IGSF11: variants seen among roughly 807,000 people sequenced by gnomAD.
IGSF11 encodes CXADR like 1.
IGSF11 carries 22 observed loss-of-function variants against 41.0 expected under a neutral mutation model. The ratio of observed to expected loss-of-function variants is 0.54; its 90% CI spans 0.38 to 0.77. The LOEUF (loss-of-function observed/expected upper bound fraction) is 0.77, where lower values mean the gene tolerates loss of function less well. IGSF11 is among the 30% of genes least tolerant of loss of function. The pLI is 0.00. For missense variants in IGSF11, 444 were observed against 530.8 expected, an observed-to-expected ratio of 0.84 and a Z score of 1.61; for synonymous variants, 219 against 201.3, an observed-to-expected ratio of 1.09 and a Z score of -0.74.
chr3:119,048,949 C>G (rs991896158), intron 1 of IGSF11, among the ~76,000 whole-genome samples: 4 of 152,092 alleles, frequency 2.6e-5, no homozygotes, highest in Admixed American at 2.0e-4. Flanking sequence ...ATTCAACAGC[C>G]CTTCATGGTA....
chr3:119,081,921 G>A (rs958376718), intron 1 of IGSF11, among the ~76,000 whole-genome samples: 6 of 151,982 alleles, frequency 3.9e-5, no homozygotes, highest in East Asian at 1.9e-4. Context: ...TGAGAATGAC[G>A]AATAGAGAAA....
chr3:118,975,168 C>A (rs879327577), intron 1 of IGSF11, among the ~76,000 whole-genome samples: 1 of 152,078 alleles, frequency 6.6e-6, no homozygotes, highest in Non-Finnish European at 1.5e-5. Context: ...TCTATCTCCT[C>A]CTATTGAAGA....
At chr3:119,076,225 T>G (rs1334099216) in intron 1 of IGSF11, among the ~76,000 whole-genome samples, 1 of 152,362 alleles carries the variant, frequency 6.6e-6, no homozygotes, top group Non-Finnish European at 1.5e-5. Context: ...AAGCTGAAAC[T>G]GGATCCCTTC....
chr3:119,074,880 A>T (rs375071059), intron 1 of IGSF11, among the ~76,000 whole-genome samples: 36 of 152,220 alleles, frequency 2.4e-4, no homozygotes, highest in African/African-American at 6.5e-4. Context: ...AACAAAAAAA[A>T]AGTTAGAAAG....
chr3:118,953,280 C>T (rs949348138), intron 1 of IGSF11, among the ~76,000 whole-genome samples: 1 of 151,994 alleles, frequency 6.6e-6, no homozygotes, highest in Non-Finnish European at 1.5e-5. Flanking sequence ...ACCACAATTT[C>T]TTTATCCACT....
chr3:118,979,540 T>G (rs1207038623), intron 1 of IGSF11, among the ~76,000 whole-genome samples: 2 of 152,134 alleles, frequency 1.3e-5, no homozygotes, highest in Non-Finnish European at 2.9e-5. Flanking sequence ...CAAGATGGAT[T>G]AAAGATTTAA....
chr3:118,953,429 A>G (rs535427511), intron 1 of IGSF11, among the ~76,000 whole-genome samples: 1 of 152,322 alleles, frequency 6.6e-6, no homozygotes, highest in Admixed American at 6.5e-5. Context: ...GGATTGCTGG[A>G]TCAAATGGTA....
intron 1 of IGSF11, among the ~76,000 whole-genome samples, chr3:119,079,292 G>A (rs1351381727): frequency 1.3e-5 from 2 of 152,036 alleles, no homozygotes; most frequent in African/African-American, 2.4e-5. Context: ...CCCAGGAGAC[G>A]GAGGTTACAG....
intron 1 of IGSF11, among the ~76,000 whole-genome samples, chr3:119,076,209 T>G (rs1037265448): frequency 1.3e-5 from 2 of 152,234 alleles, no homozygotes; most frequent in Non-Finnish European, 2.9e-5. Flanking sequence ...GCTAGCCATA[T>G]GTAGAAAGCT....
Position 119,009,869 on chromosome 3 carries a change from TGACA to T in IGSF11, c.52+24658_52+24661del, listed in dbSNP as rs1351977825. Among the ~76,000 whole-genome samples the T allele has an allele frequency of 8.9e-5, 13 of 145,518 alleles. No individual in the cohort carries two copies. In the Admixed American group the frequency reaches 9.3e-4, roughly 10 times the overall value. On this transcript the variant is annotated intron_variant, in intron 1 of 6. Coordinates refer to ENST00000393775, the MANE Select transcript of IGSF11 (RefSeq NM_001015887.3). The stretch of plus-strand genomic sequence containing the variant: ...ACTATAAGGAACGTAACATCTACCT[TGACA>T]TCTACCTTGACATCTACCTTGAATT...
intron 1 of IGSF11, among the ~76,000 whole-genome samples, chr3:119,001,518 T>C (rs1250206123): frequency 1.4e-4 from 20 of 147,814 alleles, no homozygotes; most frequent in African/African-American, 5.0e-4. Context: ...ATGTGCACAT[T>C]GTGCAGGTTA....
At chr3:119,000,587 T>C (rs1245719599) in intron 1 of IGSF11, among the ~76,000 whole-genome samples, 1 of 151,948 alleles carries the variant, frequency 6.6e-6, no homozygotes, top group Non-Finnish European at 1.5e-5. Flanking sequence ...GGTTCTCCCA[T>C]CCAAATATAT....
chr3:118,989,414 G>A (rs970948223), intron 1 of IGSF11, among the ~76,000 whole-genome samples: 3 of 151,670 alleles, frequency 2.0e-5, no homozygotes, highest in Admixed American at 6.6e-5. Flanking sequence ...GTGCAGTGGC[G>A]CAATCTCAGC....
At chr3:119,021,275 G>A (rs1457515200) in intron 1 of IGSF11, among the ~76,000 whole-genome samples, 2 of 152,070 alleles carry the variant, frequency 1.3e-5, no homozygotes, top group Non-Finnish European at 2.9e-5. Context: ...TTAGTATCAT[G>A]AGATTAAAAA....
At chr3:118,924,518 AC>A (rs1942116812) in intron 4 of IGSF11, among the ~76,000 whole-genome samples, 1 of 152,132 alleles carries the variant, frequency 6.6e-6, no homozygotes, top group African/African-American at 2.4e-5. Flanking sequence ...ATCCAAAGTA[AC>A]TTTGATAATC....
At chr3:119,027,157 T>A (rs1420933577) in intron 1 of IGSF11, among the ~76,000 whole-genome samples, 5 of 152,144 alleles carry the variant, frequency 3.3e-5, no homozygotes, top group Non-Finnish European at 7.4e-5. Context: ...TGCATAGATT[T>A]ATGAAAACTC....
intron 1 of IGSF11, among the ~76,000 whole-genome samples, chr3:119,091,612 C>T (rs1480295529): frequency 6.6e-6 from 1 of 152,110 alleles, no homozygotes; most frequent in Non-Finnish European, 1.5e-5. Flanking sequence ...AACAGAAAAA[C>T]TAAATACTGC....
chr3:119,081,655 G>A (rs1246458851), intron 1 of IGSF11, among the ~76,000 whole-genome samples: 1 of 152,176 alleles, frequency 6.6e-6, no homozygotes, highest in Non-Finnish European at 1.5e-5. Flanking sequence ...CTTTACCACA[G>A]GGAGCCTCAA....
chr3:118,924,490 T>C (rs532293496), intron 4 of IGSF11, among the ~76,000 whole-genome samples: 1 of 152,158 alleles, frequency 6.6e-6, no homozygotes, highest in Non-Finnish European at 1.5e-5. Flanking sequence ...TTAATGTACA[T>C]GATTAATAGA....
Sources: gnomAD v4.1 joint callset for allele counts (sites outside exome capture counted in the v4.1 genomes callset) on GRCh38, gnomAD v4.1.1 for gene constraint, MANE v1.5 for transcripts, NCBI Gene and HGNC (gene_info 2026-07-23, HGNC 2026-07-21) for gene names.